Variants in LTF observed in about 807,000 individuals in gnomAD.
LTF encodes lactotransferrin, also known as epididymis luminal protein 110.
Under a neutral mutation model 87.2 loss-of-function variants are expected in LTF, and 91 were observed. That is an observed-to-expected ratio of 1.04 (90% CI 0.88 to 1.24). The LOEUF is 1.24. Among genes scored for constraint, LTF ranks in the 50% most tolerant of loss-of-function variants. LTF has a pLI of 0.00. For synonymous variants in LTF, 378 were observed against 356.1 expected (o/e 1.06, Z -0.69); for missense variants, 901 against 904.3 (o/e 1.00, Z 0.05).
Position 46,446,396 on chromosome 3 carries a change from C to A in LTF, c.1357+44G>T. The A allele has an allele frequency of 1.3e-6, 2 of 1,544,458 alleles. 1 individual carries two copies. Among genetic ancestry groups the A allele is most frequent in the South Asian group, 2.3e-5 (2 of 87,304 alleles). ...TTCCTGCCACTTCCTCTTCCAGCAA[C>A]AAGAACTTATCCTTGACCCTGAAAG... On this transcript the variant is annotated intron_variant, in intron 11 of 16. Coordinates refer to ENST00000231751, the MANE Select transcript of LTF (RefSeq NM_002343.6).
chr3:46,463,759 C>T lies in LTF; in HGVS notation c.43+1066G>A, dbSNP rs146590850. 893 of 481,310 alleles carry T rather than the reference C, an allele frequency of 1.9e-3. 7 individuals carry two copies. The highest frequency in any genetic ancestry group is 7.7e-3 in the Admixed American group (121 of 15,648). The allele number at this position is 481,310 out of a possible 1,614,324, so 29.8% of individuals were successfully genotyped here. On this transcript the variant is annotated intron_variant, in intron 1 of 16. Transcript: ENST00000231751. ...CCCTAACCCTGTGCAACAGGCCACT[C>T]GCCAGGGAGCTTGAGGGGAAGAGAA...
At chr3:46,476,246 G>T (rs967344897) in intron 1 of LTF, among the ~76,000 whole-genome samples, 2 of 152,176 alleles carry the variant, frequency 1.3e-5, no homozygotes, top group Non-Finnish European at 2.9e-5. Context: ...TCCGGGTCTT[G>T]TTCCTGATCT....
At chr3:46,473,804 G>A (rs1016897541) in intron 1 of LTF, among the ~76,000 whole-genome samples, 2 of 152,156 alleles carry the variant, frequency 1.3e-5, no homozygotes, top group Non-Finnish European at 2.9e-5. Context: ...CATCTGCAAA[G>A]TCCCTTTTGC....
rs562364521 is a variant in LTF, at chr3:46,460,298, G to A, written c.44-479C>T. Among the ~76,000 whole-genome samples, 31 of 152,252 alleles carry A rather than the reference G, an allele frequency of 2.0e-4. No homozygotes were observed. The South Asian group carries it at 6.4e-3, about 32-fold the overall frequency. ...AATCCACGTCTCTCTAGATTGTTTT[G>A]TGCATAAATCTCTTCCCAGGGAATG... On this transcript the variant is annotated intron_variant, in intron 1 of 16. Coordinates refer to ENST00000231751, the MANE Select transcript of LTF (RefSeq NM_002343.6).
intron 1 of LTF, among the ~76,000 whole-genome samples, chr3:46,479,667 G>A (rs1422043757): frequency 2.0e-5 from 3 of 152,192 alleles, no homozygotes; most frequent in African/African-American, 7.2e-5. Context: ...GGGATTACAG[G>A]CAAGTGCCAC....
At position 46,440,347 on chromosome 3, in the gene LTF, A is replaced by T. The variant is rs766042527; in HGVS notation, c.1724-867T>A. 2.6e-4 allele frequency among the ~76,000 whole-genome samples: 40 copies of T among 152,222 alleles called. 1 individual carries two copies. The highest frequency in any genetic ancestry group is 2.4e-3 in the Admixed American group (36 of 15,288). Reference sequence around the variant, plus strand: ...GCTATTAGTGTAACCAGAGAAAGGAAAGGAACTTTTATAGGTTTATCAAAT... The same window carrying T: ...GCTATTAGTGTAACCAGAGAAAGGATAGGAACTTTTATAGGTTTATCAAAT... On this transcript the variant is annotated intron_variant, in intron 14 of 16. Coordinates refer to ENST00000231751, the MANE Select transcript of LTF (RefSeq NM_002343.6).
At position 46,443,502 on chromosome 3, in the gene LTF, C is replaced by G; in HGVS notation, c.1594G>C (p.Gly532Arg). 6.2e-7 allele frequency: 1 copy of G among 1,614,180 alleles called. No individual in the cohort carries two copies. Among genetic ancestry groups the G allele is most frequent in the Non-Finnish European group, 8.5e-7 (1 of 1,180,014 alleles). Residue 532 changes from glycine (G) to arginine (R), a missense_variant, in exon 13 of 17, where the codon GGT becomes CGT. Transcript: ENST00000231751. ...CTGTTGGGCACGCACTTATTCTCAC[C>G]CTGCTCGTCGCCAATACACAGAGCA... is the stretch of plus-strand genomic sequence containing the variant. ...LCALCIGDEQ[G>R]ENKCVPNSNE...
chr3:46,459,171 C>T (rs964904450), intron 2 of LTF, among the ~76,000 whole-genome samples: 6 of 152,310 alleles, frequency 3.9e-5, no homozygotes, highest in East Asian at 1.9e-4. Flanking sequence ...AGTCATGATA[C>T]CCTTTTCTCT....
chr3:46,471,090 A>T (rs978305068), intron 1 of LTF, among the ~76,000 whole-genome samples: 4 of 152,178 alleles, frequency 2.6e-5, no homozygotes, highest in Non-Finnish European at 5.9e-5. Context: ...ACTTGCAGAC[A>T]GTGTTGACAG....
intron 12 of LTF, 124 bp downstream of exon 12, chr3:46,445,157 C>A: frequency 9.8e-7 from 1 of 1,020,128 alleles, no homozygotes; most frequent in Non-Finnish European, 1.4e-6. Flanking sequence ...TTTCCTTATG[C>A]TGGAAGAGGC....
intron 6 of LTF, among the ~76,000 whole-genome samples, chr3:46,452,262 T>C (rs1412171687): frequency 1.3e-5 from 2 of 152,176 alleles, no homozygotes; most frequent in Non-Finnish European, 2.9e-5. Flanking sequence ...GATGTTACAA[T>C]AGCAACTAAA....
chr3:46,440,683 A>T (rs1339402705), intron 14 of LTF, among the ~76,000 whole-genome samples: 2 of 152,250 alleles, frequency 1.3e-5, no homozygotes, highest in Non-Finnish European at 2.9e-5. Flanking sequence ...GAGCAGAAGC[A>T]GAAGGGAGAA....
chr3:46,465,456 T>C (rs1316224143), upstream of LTF, among the ~76,000 whole-genome samples: 1 of 152,018 alleles, frequency 6.6e-6, no homozygotes, highest in Non-Finnish European at 1.5e-5. Context: ...GCCCATGGGG[T>C]ATCTCCCTGC....
At chr3:46,446,157 C>T (rs2106850498) in intron 11 of LTF, among the ~76,000 whole-genome samples, 1 of 152,234 alleles carries the variant, frequency 6.6e-6, no homozygotes, top group Middle Eastern at 3.4e-3. Context: ...CTCGGTGCCA[C>T]TGTTTCCTCA....
At chr3:46,448,223 C>T (rs1702704144) in intron 9 of LTF, among the ~76,000 whole-genome samples, 1 of 152,046 alleles carries the variant, frequency 6.6e-6, no homozygotes, top group African/African-American at 2.4e-5. Context: ...AATAATTATG[C>T]AGGTGTGGTG....
At chr3:46,471,166 T>A (rs1464410887) in intron 1 of LTF, among the ~76,000 whole-genome samples, 1 of 152,120 alleles carries the variant, frequency 6.6e-6, no homozygotes, top group Non-Finnish European at 1.5e-5. Flanking sequence ...ATGGCCCTTC[T>A]AGGAGAGCAC....
intron 2 of LTF, among the ~76,000 whole-genome samples, chr3:46,457,958 G>C (rs1251500167): frequency 7.9e-6 from 1 of 126,102 alleles, no homozygotes; most frequent in South Asian, 2.5e-4. Context: ...TTTTTTTTTT[G>C]TATGTTTAGT....
At chr3:46,445,120 G>A (rs139303584) in intron 12 of LTF, among the ~76,000 whole-genome samples, 161 bp downstream of exon 12, 3 of 152,012 alleles carry the variant, frequency 2.0e-5, no homozygotes, top group East Asian at 1.9e-4. Context: ...GTGCACCCAC[G>A]CCTCCAGGGG....
intron 1 of LTF, among the ~76,000 whole-genome samples, chr3:46,470,693 C>A (rs1703271161): frequency 6.6e-6 from 1 of 152,172 alleles, no homozygotes; most frequent in African/African-American, 2.4e-5. Context: ...GACAGCTGGG[C>A]AGACGGGAAG....
Sources: gnomAD v4.1 joint callset for allele counts (sites outside exome capture counted in the v4.1 genomes callset) on GRCh38, gnomAD v4.1.1 for gene constraint, MANE v1.5 for transcripts, NCBI Gene and HGNC (gene_info 2026-07-23, HGNC 2026-07-21) for gene names.